Variants in COG5 observed in about 807,000 individuals in gnomAD.
The protein encoded by COG5 is conserved oligomeric Golgi complex subunit 5.
In COG5, 86 loss-of-function variants were observed where a neutral mutation model predicts 110.4. The observed-to-expected ratio is 0.78, with a 90% confidence interval of 0.65 to 0.93. The LOEUF is 0.93. COG5 is among the 40% of genes least tolerant of loss of function. The pLI, the probability that COG5 is intolerant of heterozygous loss-of-function variation, is 0.00. For synonymous variants in COG5, 360 were observed against 334.6 expected (o/e 1.08, Z -0.83); for missense variants, 1,077 against 987.0 (o/e 1.09, Z -1.22).
chr7:107,420,329 G>C (rs1216114336), intron 6 of COG5, among the ~76,000 whole-genome samples: 1 of 152,224 alleles, frequency 6.6e-6, no homozygotes, highest in African/African-American at 2.4e-5. Context: ...ACAACTACAT[G>C]TAAGTTATTA....
chr7:107,436,330 G>A (rs1794366170), intron 6 of COG5, among the ~76,000 whole-genome samples: 1 of 152,202 alleles, frequency 6.6e-6, no homozygotes, highest in South Asian at 2.1e-4. Context: ...AAGACATTAT[G>A]CTAAATGAAA....
chr7:107,490,757 G>A (rs1161342489), intron 6 of COG5, among the ~76,000 whole-genome samples: 1 of 152,064 alleles, frequency 6.6e-6, no homozygotes, highest in Non-Finnish European at 1.5e-5. Flanking sequence ...ATGGAAATGG[G>A]ATTTAAACCA....
chr7:107,362,409 G>A lies in COG5; in HGVS notation c.847C>T (p.Arg283Ter), dbSNP rs548774836. Residue 283 changes from arginine (R) to a stop codon, truncating the protein, a stop_gained, in exon 9 of 22, where the codon CGA becomes TGA. Coordinates refer to ENST00000297135, the MANE Select transcript of COG5 (RefSeq NM_006348.5). LOFTEE classifies it high-confidence loss of function. The part of the protein sequence containing the change: ...SQSAVRGGPG[R>*]STMPTPGNTA... ...TTTCCTGGGGTTGGCATGGTAGATC[G>A]TCCAGGTCCCCCTGGTTATGAGTGA... 14 of 1,612,478 alleles carry A rather than the reference G, an allele frequency of 8.7e-6. No homozygotes were observed. The South Asian group carries it at 1.1e-4, about 13-fold the overall frequency.
At chr7:107,295,091 A>T (rs1806611759) in intron 12 of COG5, among the ~76,000 whole-genome samples, 1 of 74,686 alleles carries the variant, frequency 1.3e-5, no homozygotes, top group African/African-American at 5.2e-5. Flanking sequence ...ATATATATAT[A>T]TATATATATA....
intron 7 of COG5, among the ~76,000 whole-genome samples, chr7:107,399,434 T>G (rs1791264031): frequency 1.3e-5 from 2 of 152,114 alleles, no homozygotes; most frequent in Admixed American, 6.6e-5. Context: ...CCACTTGCTG[T>G]TCTCATGATA....
At chr7:107,372,554 TATAA>T (rs2129050075) in intron 8 of COG5, 37 bp downstream of exon 8, 3 of 1,597,212 alleles carry the variant, frequency 1.9e-6, no homozygotes, top group African/African-American at 1.3e-5. Flanking sequence ...ACTTCTCAGT[TATAA>T]ATAAATAAAG....
intron 7 of COG5, among the ~76,000 whole-genome samples, chr7:107,412,182 G>T (rs183092583): frequency 2.0e-5 from 3 of 152,044 alleles, no homozygotes; most frequent in Non-Finnish European, 4.4e-5. Context: ...GGTTGTTGAA[G>T]GGCTTAAATG....
At chr7:107,462,074 A>C (rs1185063500) in intron 6 of COG5, among the ~76,000 whole-genome samples, 1 of 152,206 alleles carries the variant, frequency 6.6e-6, no homozygotes, top group Non-Finnish European at 1.5e-5. Context: ...ACAAGGGAAA[A>C]ACAAATGATC....
chr7:107,507,095 T>A (rs1054256148), intron 6 of COG5, among the ~76,000 whole-genome samples: 3 of 152,106 alleles, frequency 2.0e-5, no homozygotes, highest in Non-Finnish European at 4.4e-5. Context: ...CCCCTGTGGG[T>A]TGGATTGTCA....
At chr7:107,219,884 TA>T (rs1425480324) in intron 19 of COG5, among the ~76,000 whole-genome samples, 2 of 152,228 alleles carry the variant, frequency 1.3e-5, no homozygotes, top group Non-Finnish European at 1.5e-5. Flanking sequence ...TAGTTTGAAT[TA>T]ATCATCCCAC....
chr7:107,448,080 C>T (rs1267449226), intron 6 of COG5, among the ~76,000 whole-genome samples: 8 of 152,066 alleles, frequency 5.3e-5, no homozygotes, highest in Non-Finnish European at 1.2e-4. Context: ...CACTTGAACT[C>T]GGGAGGTGGA....
At chr7:107,369,766 A>C (rs1005788409) in intron 8 of COG5, among the ~76,000 whole-genome samples, 1 of 152,210 alleles carries the variant, frequency 6.6e-6, no homozygotes, top group Non-Finnish European at 1.5e-5. Context: ...CATAAGGTGA[A>C]CACATTTTCC....
chr7:107,562,225 G>A (rs2129182285), intron 1 of COG5, among the ~76,000 whole-genome samples: 1 of 152,300 alleles, frequency 6.6e-6, no homozygotes, highest in Middle Eastern at 3.4e-3. Flanking sequence ...AATCACTGTG[G>A]AGAATGGCAG....
intron 10 of COG5, among the ~76,000 whole-genome samples, chr7:107,345,705 T>C (rs1811543681): frequency 6.6e-6 from 1 of 152,184 alleles, no homozygotes; most frequent in African/African-American, 2.4e-5. Context: ...AGACTTAAGT[T>C]GATAAGTTTT....
chr7:107,512,593 A>G (rs1442789358), intron 6 of COG5, among the ~76,000 whole-genome samples: 2 of 152,216 alleles, frequency 1.3e-5, no homozygotes, highest in African/African-American at 2.4e-5. Flanking sequence ...TGCCAAGTCA[A>G]TCCTAAGCCA....
At chr7:107,259,701 C>T (rs1486127137) in intron 14 of COG5, among the ~76,000 whole-genome samples, 2 of 152,080 alleles carry the variant, frequency 1.3e-5, no homozygotes, top group Non-Finnish European at 2.9e-5. Flanking sequence ...TTGAGATTCT[C>T]TTCAATCAAT....
At chr7:107,392,676 CAAA>C (rs60351972) in intron 7 of COG5, among the ~76,000 whole-genome samples, 1 of 136,922 alleles carries the variant, frequency 7.3e-6, no homozygotes. Flanking sequence ...ATTGAAATAC[CAAA>C]AAAAAAAAAA....
intron 6 of COG5, among the ~76,000 whole-genome samples, chr7:107,419,894 A>T (rs754500257): frequency 2.0e-5 from 3 of 152,180 alleles, no homozygotes; most frequent in Admixed American, 2.0e-4. Flanking sequence ...AAATGGGAAG[A>T]TAACCAAAGC....
chr7:107,452,613 CT>C (rs1795407502), intron 6 of COG5, among the ~76,000 whole-genome samples: 1 of 152,138 alleles, frequency 6.6e-6, no homozygotes, highest in African/African-American at 2.4e-5. Context: ...TCTTTGGCCC[CT>C]ATCATCCATG....
Sources: allele counts gnomAD v4.1 joint callset (sites outside exome capture counted in the v4.1 genomes callset), GRCh38; gene constraint gnomAD v4.1.1; transcripts MANE v1.5; gene names NCBI Gene and HGNC (gene_info 2026-07-23, HGNC 2026-07-21).